The following MCF2L2 variants were observed in gnomAD, a reference collection of about 807,000 sequenced individuals.
MCF2L2 encodes the protein probable guanine nucleotide exchange factor MCF2L2.
Under a neutral mutation model 150.2 loss-of-function variants are expected in MCF2L2, and 102 were observed. That is an observed-to-expected ratio of 0.68 (90% CI 0.58 to 0.80). The LOEUF (loss-of-function observed/expected upper bound fraction) is 0.80, where lower values mean the gene tolerates loss of function less well. Among genes scored for constraint, MCF2L2 ranks in the 30% least tolerant of loss-of-function variants. The pLI, the probability that MCF2L2 is intolerant of heterozygous loss-of-function variation, is 0.00. For missense variants in MCF2L2, 1,256 were observed against 1,372.8 expected, an observed-to-expected ratio of 0.91 and a Z score of 1.34; for synonymous variants, 465 against 491.3, an observed-to-expected ratio of 0.95 and a Z score of 0.71.
At chr3:183,362,383 G>T (rs190622103) in intron 3 of MCF2L2, among the ~76,000 whole-genome samples, 104 of 152,190 alleles carry the variant, frequency 6.8e-4, no homozygotes, top group Admixed American at 1.7e-3. Flanking sequence ...GATTACAGGC[G>T]TGAGCCACCA....
Position 183,402,451 on chromosome 3 carries a change from C to CAAAAAAAA in MCF2L2, c.77-12680_77-12673dup, listed in dbSNP as rs779201489. Among the ~76,000 whole-genome samples, 75 of 54,756 alleles carry CAAAAAAAA rather than the reference C, an allele frequency of 1.4e-3. 3 individuals carry two copies. In the South Asian group the frequency reaches 0.016, roughly 12 times the overall value. The allele number at this position is 54,756 out of a possible 152,430, so 35.9% of individuals were successfully genotyped here. On this transcript the variant is annotated intron_variant, in intron 1 of 29. Transcript: ENST00000328913. ...CCTGGGCTACAGAGCGAGACTCCAT[C>CAAAAAAAA]AAAAAAAAAAAAAAAAAAAAAAGAA...
intron 1 of MCF2L2, among the ~76,000 whole-genome samples, chr3:183,409,153 G>A (rs572761307): frequency 6.6e-6 from 1 of 152,224 alleles, no homozygotes; most frequent in South Asian, 2.1e-4. Context: ...GTTTTTCTTT[G>A]GAAGAAAGTG....
chr3:183,414,764 C>T lies in MCF2L2; in HGVS notation c.76+13138G>A, dbSNP rs749265485. 2.0e-4 allele frequency among the ~76,000 whole-genome samples: 31 copies of T among 152,134 alleles called. 1 individual carries two copies. The highest frequency in any genetic ancestry group is 2.0e-3 in the Admixed American group (31 of 15,268). On this transcript the variant is annotated intron_variant, in intron 1 of 29. Coordinates refer to ENST00000328913, the MANE Select transcript of MCF2L2 (RefSeq NM_015078.4). ...TTTGAGTATGCTGTGTCTTGATTCTCTCTCATCTTAAAGTATTTCCCTTGT... is the reference window on the plus strand; with the variant it reads ...TTTGAGTATGCTGTGTCTTGATTCTTTCTCATCTTAAAGTATTTCCCTTGT...
chr3:183,425,216 G>T (rs987676680), intron 1 of MCF2L2, among the ~76,000 whole-genome samples: 4 of 152,184 alleles, frequency 2.6e-5, no homozygotes, highest in Admixed American at 2.6e-4. Context: ...ATCAACAGCA[G>T]CCAAGACACT....
At chr3:183,359,633 G>A (rs772278087) in intron 3 of MCF2L2, among the ~76,000 whole-genome samples, 4 of 152,176 alleles carry the variant, frequency 2.6e-5, no homozygotes, top group South Asian at 2.1e-4. Flanking sequence ...CCCTTAGGTC[G>A]ATGAAAATAA....
At chr3:183,422,363 G>C (rs1715929076) in intron 1 of MCF2L2, among the ~76,000 whole-genome samples, 1 of 152,188 alleles carries the variant, frequency 6.6e-6, no homozygotes, top group African/African-American at 2.4e-5. Flanking sequence ...CTTCCAGACT[G>C]TCTCTACTTC....
chr3:183,420,162 G>A (rs542760758), intron 1 of MCF2L2, among the ~76,000 whole-genome samples: 16 of 152,196 alleles, frequency 1.1e-4, no homozygotes, highest in South Asian at 1.0e-3. Context: ...CACATCTTCC[G>A]GTCTTCTTCT....
intron 1 of MCF2L2, among the ~76,000 whole-genome samples, chr3:183,415,430 A>G (rs112529753): frequency 0.04 from 6,152 of 151,952 alleles, 438 homozygotes; most frequent in African/African-American, 0.14. Context: ...CAAGTGATCT[A>G]CCCACCTCGG....
Position 183,305,993 on chromosome 3 carries a change from C to G in MCF2L2, c.1113+3723G>C, listed in dbSNP as rs912813675. ...TATTGCAAGCTGACCACATGAAGTCCCTACCACACATCTAACTCATTTAAT... is the reference window on the plus strand; with the variant it reads ...TATTGCAAGCTGACCACATGAAGTCGCTACCACACATCTAACTCATTTAAT... On this transcript the variant is annotated intron_variant, in intron 10 of 29. Coordinates refer to ENST00000328913, the MANE Select transcript of MCF2L2 (RefSeq NM_015078.4). This position sits in a 1 kb window ranked among gnomAD's most constrained non-coding sequence, Gnocchi z 4.1. 1.1e-4 allele frequency among the ~76,000 whole-genome samples: 17 copies of G among 152,184 alleles called. No individual in the cohort carries two copies. Among genetic ancestry groups the G allele is most frequent in the Non-Finnish European group, 2.2e-4 (15 of 68,040 alleles).
intron 3 of MCF2L2, among the ~76,000 whole-genome samples, chr3:183,361,510 C>T (rs774219908): frequency 6.6e-6 from 1 of 152,122 alleles, no homozygotes; most frequent in Non-Finnish European, 1.5e-5. Flanking sequence ...TGGCACCTCC[C>T]CTATCACTCT....
chr3:183,396,804 AG>A (rs1352957644), intron 1 of MCF2L2, among the ~76,000 whole-genome samples: 1 of 152,214 alleles, frequency 6.6e-6, no homozygotes, highest in African/African-American at 2.4e-5. Flanking sequence ...ATGAGAAAGG[AG>A]GTTAGACAGA....
chr3:183,299,940 G>C, intron 11 of MCF2L2, 65 bp downstream of exon 11: 5 of 1,539,128 alleles, frequency 3.2e-6, no homozygotes, highest in Non-Finnish European at 4.4e-6. Flanking sequence ...GGGAGGACGA[G>C]TATGATGGAA....
intron 10 of MCF2L2, among the ~76,000 whole-genome samples, chr3:183,308,422 C>G (rs1222634321): frequency 6.6e-6 from 1 of 152,162 alleles, no homozygotes; most frequent in Non-Finnish European, 1.5e-5. Flanking sequence ...TCTAAGGTAT[C>G]TAGTCATCAT....
chr3:183,373,730 G>A (rs895051758), intron 3 of MCF2L2: 1 of 151,928 alleles, frequency 6.6e-6, no homozygotes, highest in African/African-American at 2.4e-5. Context: ...CTGGACATTG[G>A]GAATTAAAAT....
intron 3 of MCF2L2, among the ~76,000 whole-genome samples, chr3:183,343,983 C>G (rs758497223): frequency 1.3e-5 from 2 of 151,752 alleles, no homozygotes; most frequent in Non-Finnish European, 2.9e-5. Context: ...CCGGCCTGAG[C>G]AACAACAAGA....
intron 15 of MCF2L2, among the ~76,000 whole-genome samples, chr3:183,239,044 A>T (rs1723884035): frequency 6.6e-6 from 1 of 151,882 alleles, no homozygotes; most frequent in African/African-American, 2.4e-5. Context: ...ACCATCTAAA[A>T]TCATCAAGTG....
intron 3 of MCF2L2, among the ~76,000 whole-genome samples, chr3:183,366,419 C>T (rs893780196): frequency 1.3e-5 from 2 of 152,114 alleles, no homozygotes; most frequent in African/African-American, 2.4e-5. Flanking sequence ...GGCAGGCAGG[C>T]AGATCACCTG....
intron 7 of MCF2L2, among the ~76,000 whole-genome samples, chr3:183,315,100 C>A (rs1485784081): frequency 6.7e-6 from 1 of 148,348 alleles, no homozygotes; most frequent in Non-Finnish European, 1.5e-5. Context: ...CCATTCCCGG[C>A]TAATTTTTGT....
intron 27 of MCF2L2, among the ~76,000 whole-genome samples, chr3:183,190,744 A>C (rs1383880813): frequency 6.6e-6 from 1 of 152,234 alleles, no homozygotes; most frequent in Non-Finnish European, 1.5e-5. Flanking sequence ...GAAGGGCACA[A>C]CGGTGAGCCA....
Sources: allele counts gnomAD v4.1 joint callset (sites outside exome capture counted in the v4.1 genomes callset), GRCh38; gene constraint gnomAD v4.1.1; non-coding constraint Gnocchi (gnomAD v3.1); transcripts MANE v1.5; gene names NCBI Gene and HGNC (gene_info 2026-07-23, HGNC 2026-07-21).